MYO1B: variants seen among roughly 807,000 people sequenced by gnomAD.
The protein encoded by MYO1B is myosin IB.
MYO1B carries 72 observed loss-of-function variants against 159.7 expected under a neutral mutation model. The ratio of observed to expected loss-of-function variants is 0.45; its 90% confidence interval spans 0.37 to 0.55. The LOEUF is 0.55. Ranked by LOEUF, MYO1B falls within the 20% of genes least tolerant of loss-of-function variation. MYO1B has a pLI of 0.00. For synonymous variants in MYO1B, 468 were observed against 473.8 expected, an observed-to-expected ratio of 0.99 and a Z score of 0.16; for missense variants, 1,062 against 1,364.8, an observed-to-expected ratio of 0.78 and a Z score of 3.50.
intron 1 of MYO1B, among the ~76,000 whole-genome samples, chr2:191,272,951 G>C (rs1239350024): frequency 6.6e-6 from 1 of 152,024 alleles, no homozygotes; most frequent in African/African-American, 2.4e-5. Flanking sequence ...AATGCTTTTT[G>C]TTGCAAATAA....
At chr2:191,402,965 T>C (rs2126141148) in intron 24 of MYO1B, among the ~76,000 whole-genome samples, 1 of 152,362 alleles carries the variant, frequency 6.6e-6, no homozygotes, top group East Asian at 1.9e-4. Flanking sequence ...TTCAAGATAC[T>C]ATGTTATCAA....
chr2:191,389,452 G>A (rs1443166420), intron 17 of MYO1B, among the ~76,000 whole-genome samples: 1 of 152,226 alleles, frequency 6.6e-6, no homozygotes, highest in Non-Finnish European at 1.5e-5. Flanking sequence ...TGGCTCTGCC[G>A]TTTCCTGGGC....
chr2:191,270,183 A>G (rs1201013117), intron 1 of MYO1B, among the ~76,000 whole-genome samples: 1 of 152,194 alleles, frequency 6.6e-6, no homozygotes, highest in Admixed American at 6.5e-5. Flanking sequence ...AACATATCAA[A>G]ATTTACAAAA....
chr2:191,386,534 T>C (rs1220717366), intron 16 of MYO1B, among the ~76,000 whole-genome samples: 1 of 152,164 alleles, frequency 6.6e-6, no homozygotes, highest in Admixed American at 6.5e-5. Context: ...ATTTATTTGG[T>C]TAATATTTGG....
At chr2:191,260,882 T>G (rs751283905) in intron 1 of MYO1B, among the ~76,000 whole-genome samples, 8 of 152,352 alleles carry the variant, frequency 5.3e-5, no homozygotes, top group Non-Finnish European at 1.2e-4. Flanking sequence ...TGACTATATA[T>G]TTGGATCAGA....
intron 19 of MYO1B, 108 bp downstream of exon 19, chr2:191,392,309 C>A: frequency 1.4e-6 from 1 of 696,304 alleles, no homozygotes; most frequent in African/African-American, 1.8e-5. Flanking sequence ...CCATGAATGC[C>A]ACAAAACACT....
chr2:191,346,310 A>G (rs750171954), intron 6 of MYO1B, 28 bp downstream of exon 6: 1 of 1,490,054 alleles, frequency 6.7e-7, no homozygotes, highest in South Asian at 1.3e-5. Context: ...CATAAGTGTT[A>G]ACACTAATAT....
chr2:191,331,133 G>A (rs1691445477), intron 4 of MYO1B, among the ~76,000 whole-genome samples: 1 of 152,032 alleles, frequency 6.6e-6, no homozygotes, highest in Admixed American at 6.6e-5. Context: ...AGATGAATGT[G>A]TCCAGCCCCC....
chr2:191,414,052 G>C lies in MYO1B; in HGVS notation c.2878G>C (p.Gly960Arg), dbSNP rs777088798. 6.3e-7 allele frequency: 1 copy of C among 1,596,118 alleles called. No individual in the cohort carries two copies. Among genetic ancestry groups the C allele is most frequent in the Non-Finnish European group, 8.5e-7 (1 of 1,172,800 alleles). ...DKKALYPSSV[G>R]QPFQGAYLEI... is the part of the protein sequence containing the mutation. ...GCAGGAATTTTTTTCCTTTAGTGTT[G>C]GGCAACCATTCCAAGGGGCTTACCT... Residue 960 changes from glycine (G) to arginine (R), a missense_variant, in exon 28 of 31, where the codon GGG becomes CGG. By Grantham distance (125) the Gly-to-Arg change is moderately radical. Transcript: ENST00000392318.
chr2:191,257,722 A>G (rs1275189482), intron 1 of MYO1B, among the ~76,000 whole-genome samples: 1 of 152,230 alleles, frequency 6.6e-6, no homozygotes, highest in Non-Finnish European at 1.5e-5. Flanking sequence ...GGTTACAGTA[A>G]TGTTACCTGC....
In MYO1B at chr2:191,400,610, G is replaced by T; in HGVS notation, c.2383-139G>T. On this transcript the variant is annotated intron_variant, in intron 22 of 30. Coordinates refer to ENST00000392318, the MANE Select transcript of MYO1B (RefSeq NM_001130158.3). ...TGCTTCTTGCTCTTTCCAACATTTT[G>T]TTGTGGGGTGGTGGCACATGCTTTT... 3.0e-6 allele frequency: 4 copies of T among 1,323,958 alleles called. No homozygotes were observed. In the Admixed American group the frequency reaches 5.9e-5, roughly 20 times the overall value. 82.0% of individuals were successfully genotyped at this position (1,323,958 alleles called of 1,614,324 possible). A position where few individuals can be genotyped will look rare whatever the true frequency, so the allele number is the denominator to read the frequency against.
intron 2 of MYO1B, among the ~76,000 whole-genome samples, chr2:191,295,733 A>G (rs1688943347): frequency 6.6e-6 from 1 of 152,150 alleles, no homozygotes; most frequent in South Asian, 2.1e-4. Context: ...TGAGAGAAGA[A>G]GGGGAACTAT....
At chr2:191,398,786 G>C (rs1338748030) in intron 21 of MYO1B, among the ~76,000 whole-genome samples, 2 of 151,692 alleles carry the variant, frequency 1.3e-5, no homozygotes, top group African/African-American at 4.8e-5. Context: ...TCCAGACTGG[G>C]CAGCCAGGCA....
intron 7 of MYO1B, among the ~76,000 whole-genome samples, chr2:191,354,415 TATTCTGTGCTA>T (rs1368350343): frequency 8.5e-5 from 13 of 152,084 alleles, no homozygotes; most frequent in Non-Finnish European, 1.8e-4. Context: ...TTTGTCTGAA[TATTCTGTGCTA>T]ATCATTTAAA....
chr2:191,281,316 G>A (rs1342041013), intron 2 of MYO1B, among the ~76,000 whole-genome samples: 2 of 152,166 alleles, frequency 1.3e-5, no homozygotes, highest in African/African-American at 4.8e-5. Flanking sequence ...AGGAGGATCA[G>A]GTGAGATGAG....
At chr2:191,365,515 G>T (rs1235428757) in intron 11 of MYO1B, among the ~76,000 whole-genome samples, 5 of 152,184 alleles carry the variant, frequency 3.3e-5, no homozygotes. Flanking sequence ...GCCATTGCCT[G>T]TCCTTCCTCC....
Position 191,408,166 on chromosome 2 carries a change from T to C in MYO1B, c.2608T>C (p.Tyr870His). The change falls in exon 25 of 31, where the codon TAT becomes CAT. Residue 870 changes from tyrosine (Y) to histidine (H), a missense_variant. This residue lies in a region of MYO1B where 609 missense variants were observed against 744.4 expected (regional missense o/e 0.82). Coordinates refer to ENST00000392318, the MANE Select transcript of MYO1B (RefSeq NM_001130158.3). The stretch of plus-strand genomic sequence containing the variant: ...CAGAGCCAATGCTGGAAAGAAAATC[T>C]ATGAGTTTACGCTTCAGAGAATTGT... ...FFRANAGKKI[Y>H]EFTLQRIVQK... 6.2e-7 allele frequency: 1 copy of C among 1,613,242 alleles called. No homozygotes were observed. The highest frequency in any genetic ancestry group is 8.5e-7 in the Non-Finnish European group (1 of 1,179,330).
At chr2:191,321,623 CA>C (rs1211767837) in intron 3 of MYO1B, among the ~76,000 whole-genome samples, 1 of 152,154 alleles carries the variant, frequency 6.6e-6, no homozygotes, top group East Asian at 1.9e-4. Context: ...AATTTCTGGA[CA>C]GGGGAAATAG....
chr2:191,400,799 T>A lies in MYO1B; in HGVS notation c.2433T>A (p.Ala811=). 1 of 1,614,068 alleles carries A rather than the reference T, an allele frequency of 6.2e-7. No homozygotes were observed. Among genetic ancestry groups the A allele is most frequent in the Non-Finnish European group, 8.5e-7 (1 of 1,179,902 alleles). Residue 811 remains alanine (A), a synonymous_variant, in exon 23 of 31, where the codon GCT becomes GCA. Coordinates refer to ENST00000392318, the MANE Select transcript of MYO1B (RefSeq NM_001130158.3). ...AGGAGGAGGCTAGGAATAAACATGCTATTGCAGTTATTTGGGCTTACTGGC... is the reference window on the plus strand; with the variant it reads ...AGGAGGAGGCTAGGAATAAACATGCAATTGCAGTTATTTGGGCTTACTGGC... The part of the protein sequence containing the change: ...RLKEEARNKH[A]IAVIWAYWLG...
Sources: gnomAD v4.1 joint callset for allele counts (sites outside exome capture counted in the v4.1 genomes callset) on GRCh38, gnomAD v4.1.1 for gene constraint, gnomAD v4.1.1 regional missense constraint, MANE v1.5 for transcripts, NCBI Gene and HGNC (gene_info 2026-07-23, HGNC 2026-07-21) for gene names.